RNF220: variants seen among roughly 807,000 people sequenced by gnomAD.
The protein encoded by RNF220 is ring finger protein 220, also known as E3 ubiquitin-protein ligase RNF220.
Under a neutral mutation model 67.1 loss-of-function variants are expected in RNF220, and 7 were observed. The observed-to-expected ratio is 0.10, with a 90% CI of 0.06 to 0.20. The LOEUF (loss-of-function observed/expected upper bound fraction) is 0.20, where lower values mean the gene tolerates loss of function less well. Ranked by LOEUF, RNF220 falls within the 10% of genes least tolerant of loss-of-function variation. The pLI is 1.00. For synonymous variants in RNF220, 270 were observed against 283.2 expected (o/e 0.95, Z 0.47); for missense variants, 565 against 740.3 (o/e 0.76, Z 2.75).
chr1:44,455,678 G>C (rs746227528), intron 2 of RNF220, among the ~76,000 whole-genome samples: 6 of 152,222 alleles, frequency 3.9e-5, no homozygotes, highest in Non-Finnish European at 7.3e-5. Context: ...AGATGAATAA[G>C]TTGAGAGAGA....
chr1:44,525,689 T>C (rs879511681), intron 2 of RNF220, among the ~76,000 whole-genome samples: 10 of 152,158 alleles, frequency 6.6e-5, no homozygotes, highest in Non-Finnish European at 1.2e-4. Flanking sequence ...TGGCACTCAG[T>C]ATCTCCCTGC....
chr1:44,505,918 C>G (rs1013518703), intron 2 of RNF220, among the ~76,000 whole-genome samples: 9 of 152,040 alleles, frequency 5.9e-5, no homozygotes, highest in Non-Finnish European at 1.3e-4. Context: ...GCCCCAGTCT[C>G]CGCCCTACTC....
At chr1:44,575,501 A>G (rs1221060496) in intron 2 of RNF220, among the ~76,000 whole-genome samples, 1 of 152,204 alleles carries the variant, frequency 6.6e-6, no homozygotes, top group Non-Finnish European at 1.5e-5. Context: ...ACATGAACAG[A>G]CATTTCTCAA....
chr1:44,428,294 T>G (rs1650004517), intron 2 of RNF220, among the ~76,000 whole-genome samples: 1 of 152,166 alleles, frequency 6.6e-6, no homozygotes, highest in African/African-American at 2.4e-5. Context: ...AGATAGCAAG[T>G]CTGTGGACCA....
At chr1:44,446,091 T>G (rs1414040862) in intron 2 of RNF220, among the ~76,000 whole-genome samples, 1 of 152,228 alleles carries the variant, frequency 6.6e-6, no homozygotes, top group Admixed American at 6.5e-5. Context: ...GAAAAACTTC[T>G]GAAAATCACA....
At chr1:44,488,574 C>G (rs768708412) in intron 2 of RNF220, among the ~76,000 whole-genome samples, 1 of 152,212 alleles carries the variant, frequency 6.6e-6, no homozygotes, top group Non-Finnish European at 1.5e-5. Context: ...CTCAGCTTCC[C>G]GAAGTGCTGA....
intron 2 of RNF220, among the ~76,000 whole-genome samples, chr1:44,457,500 A>G (rs1027674369): frequency 1.3e-5 from 2 of 152,208 alleles, no homozygotes; most frequent in African/African-American, 2.4e-5. Flanking sequence ...AAGACGGGCA[A>G]GAGGGACTGG....
At chr1:44,413,314 C>CT (rs541130400) in intron 2 of RNF220, among the ~76,000 whole-genome samples, 92 of 152,350 alleles carry the variant, frequency 6.0e-4, no homozygotes, top group Non-Finnish European at 1.1e-3. Context: ...AGAAAGCCGA[C>CT]TTCTCTTGGG....
intron 3 of RNF220, among the ~76,000 whole-genome samples, chr1:44,617,452 C>T (rs923652750): frequency 3.3e-5 from 5 of 152,218 alleles, no homozygotes; most frequent in African/African-American, 1.2e-4. Context: ...AAAAAATTTG[C>T]GAATTAATTG....
intron 2 of RNF220, among the ~76,000 whole-genome samples, chr1:44,475,733 G>C (rs1655242196): frequency 6.6e-6 from 1 of 150,742 alleles, no homozygotes; most frequent in Non-Finnish European, 1.5e-5. Context: ...CTCTACAGAG[G>C]CTGGGCGCAG....
At chr1:44,520,967 C>A (rs766534027) in intron 2 of RNF220, among the ~76,000 whole-genome samples, 1 of 152,242 alleles carries the variant, frequency 6.6e-6, no homozygotes, top group Admixed American at 6.5e-5. Context: ...GCAATCATAG[C>A]TAGCTGTAAC....
chr1:44,485,750 G>A (rs17381678), intron 2 of RNF220, among the ~76,000 whole-genome samples: 320 of 152,316 alleles, frequency 2.1e-3, no homozygotes, highest in Middle Eastern at 0.01. Context: ...TGCTTGTAAT[G>A]TGAGCGACAG....
intron 8 of RNF220, chr1:44,636,587 T>C (rs1644338386): frequency 1.6e-6 from 1 of 624,026 alleles, no homozygotes; most frequent in South Asian, 1.9e-5. Context: ...GGCAAACACA[T>C]TGGATTTTCC....
At chr1:44,486,052 AT>A (rs538552251) in intron 2 of RNF220, among the ~76,000 whole-genome samples, 2 of 151,816 alleles carry the variant, frequency 1.3e-5, no homozygotes, top group African/African-American at 4.8e-5. Flanking sequence ...TTACTTTTTT[AT>A]TTTTTTGTCC....
Position 44,632,400 on chromosome 1 carries a change from G to GCCCCCCCCCACCCCCCC in RNF220, c.949+19_949+20insCCCCCACCCCCCCCCCC. 6.2e-7 allele frequency: 1 copy of GCCCCCCCCCACCCCCCC among 1,607,452 alleles called. No homozygotes were observed. Among genetic ancestry groups the GCCCCCCCCCACCCCCCC allele is most frequent in the South Asian group, 1.1e-5 (1 of 90,838 alleles). ...CCGACTGAATGGTGAGTCCTGCCCG[G>GCCCCCCCCCACCCCCCC]CCCCTCCCTCCGCCCCACCCCCGGC... On this transcript the variant is annotated intron_variant, in intron 6 of 14. Transcript: ENST00000361799.
intron 2 of RNF220, among the ~76,000 whole-genome samples, chr1:44,474,118 T>TA (rs1439983687): frequency 6.6e-6 from 1 of 152,124 alleles, no homozygotes; most frequent in African/African-American, 2.4e-5. Context: ...CTCACGCCTA[T>TA]AATCCCAGCA....
chr1:44,520,793 T>TG (rs1310952867), intron 2 of RNF220, among the ~76,000 whole-genome samples: 1 of 152,262 alleles, frequency 6.6e-6, no homozygotes, highest in East Asian at 1.9e-4. Context: ...CAAGTTTCTT[T>TG]GTATCCCCGA....
At chr1:44,640,232 C>T (rs1557471561) in intron 8 of RNF220, among the ~76,000 whole-genome samples, 1 of 152,238 alleles carries the variant, frequency 6.6e-6, no homozygotes. Flanking sequence ...TGTGCTAGTT[C>T]TCAAAAGAAG....
At chr1:44,432,369 C>T (rs976466591) in intron 2 of RNF220, among the ~76,000 whole-genome samples, 11 of 149,312 alleles carry the variant, frequency 7.4e-5, no homozygotes, top group African/African-American at 2.7e-4. Context: ...CCCCCAGGTT[C>T]AAGTGATTCT....
Sources: gnomAD v4.1 joint callset for allele counts (sites outside exome capture counted in the v4.1 genomes callset) on GRCh38, gnomAD v4.1.1 for gene constraint, MANE v1.5 for transcripts, NCBI Gene and HGNC (gene_info 2026-07-23, HGNC 2026-07-21) for gene names.